OR2J3: variants seen among roughly 807,000 people sequenced by gnomAD.
OR2J3 encodes olfactory receptor family 2 subfamily J member 3.
A neutral mutation model predicts 18.5 loss-of-function variants in OR2J3; 13 were observed. The observed-to-expected ratio is 0.70, with a 90% CI of 0.46 to 1.12. The LOEUF is 1.12. Among genes scored for constraint, OR2J3 ranks in the 50% most tolerant of loss-of-function variants. The pLI is 0.00. For synonymous variants in OR2J3, 142 were observed against 140.6 expected (o/e 1.01, Z -0.07); for missense variants, 321 against 371.6 (o/e 0.86, Z 1.12).
In OR2J3 at chr6:29,111,994, T is replaced by C. The variant is rs1762143759; in HGVS notation, c.104T>C (p.Leu35Ser). ...HLEVVIFVVV[L>S]IFYLMTLIGN... is the part of the protein sequence containing the mutation. ...GAAGTAGTTATCTTTGTGGTTGTCT[T>C]GATCTTCTACTTGATGACACTGATA... The change falls in exon 4 of 4, where the codon TTG (leucine) becomes TCG (serine). Residue 35 changes from leucine (L) to serine (S), a missense_variant. Coordinates refer to ENST00000641151, the MANE Select transcript of OR2J3 (RefSeq NM_001005216.4). 1.2e-6 allele frequency: 2 copies of C among 1,614,010 alleles called. No homozygotes were observed. The highest frequency in any genetic ancestry group is 2.7e-5 in the African/African-American group (2 of 75,048).
chr6:29,108,508 G>T (rs1340495960), intron 1 of OR2J3, 29 bp from the exon 2 acceptor site: 3 of 151,860 alleles, frequency 2.0e-5, no homozygotes, highest in Non-Finnish European at 2.9e-5. Context: ...GATTTTTTTT[G>T]ATAATTTCTT....
chr6:29,113,725 A>C lies in OR2J3; in HGVS notation c.*899A>C, dbSNP rs1762236329. On this transcript the variant is annotated 3_prime_UTR_variant, in exon 4 of 4. Coordinates refer to ENST00000641151, the MANE Select transcript of OR2J3 (RefSeq NM_001005216.4). ...TATGATAGAAACTGTCATATGGAAAATGATAGCTTATTTTTATTTTAAAGC... is the reference window on the plus strand; with the variant it reads ...TATGATAGAAACTGTCATATGGAAACTGATAGCTTATTTTTATTTTAAAGC... 6.6e-6 allele frequency: 1 copy of C among 152,180 alleles called. No homozygotes were observed. The highest frequency in any genetic ancestry group is 2.1e-4 in the South Asian group (1 of 4,836). The allele number at this position is 152,180 out of a possible 1,614,324, so 9.4% of individuals were successfully genotyped here. A position where few individuals can be genotyped will look rare whatever the true frequency, so the allele number is the denominator to read the frequency against.
chr6:29,112,573 T>C lies in OR2J3; in HGVS notation c.683T>C (p.Ile228Thr). ...TCTTATGGTGCCATCGTCCGAGCTA[T>C]ACTGAGGATGCAGTCAACCACTGGG... Reference protein sequence around the residue: ...LTSYGAIVRAILRMQSTTGLQ... With the variant: ...LTSYGAIVRATLRMQSTTGLQ... Residue 228 changes from isoleucine (I) to threonine (T), a missense_variant, in exon 4 of 4, where the codon ATA becomes ACA. By Grantham distance (89) the Ile-to-Thr change is moderately conservative. Coordinates refer to ENST00000641151, the MANE Select transcript of OR2J3 (RefSeq NM_001005216.4). The C allele has an allele frequency of 6.2e-7, 1 of 1,614,108 alleles. No individual in the cohort carries two copies. The highest frequency in any genetic ancestry group is 2.2e-5 in the East Asian group (1 of 44,888).
rs1762240298 is a variant in OR2J3 at position 29,113,870 on chromosome 6, A to C, written c.*1044A>C. ...TTTGTTTTATATATTATTGTCAACC[A>C]TCTTCGTTTGAAATAATTGCGCTAT... is the stretch of plus-strand genomic sequence containing the variant. On this transcript the variant is annotated 3_prime_UTR_variant, in exon 4 of 4. Coordinates refer to ENST00000641151, the MANE Select transcript of OR2J3 (RefSeq NM_001005216.4). The C allele has an allele frequency of 6.6e-6, 1 of 152,204 alleles. No homozygotes were observed. The highest frequency in any genetic ancestry group is 2.4e-5 in the African/African-American group (1 of 41,456). 9.4% of individuals were successfully genotyped at this position (152,204 alleles called of 1,614,324 possible).
In OR2J3 at chr6:29,112,696, A is replaced by G. The variant is rs1562549645; in HGVS notation, c.806A>G (p.Asn269Ser). ...MCMYLQPPSGNSQDQGKFIAL... is the reference protein window; with the variant it reads ...MCMYLQPPSGSSQDQGKFIAL... Reference sequence around the variant, plus strand: ...ATGTATCTCCAGCCACCATCAGGAAATTCTCAAGATCAAGGCAAGTTCATT... The same window carrying G: ...ATGTATCTCCAGCCACCATCAGGAAGTTCTCAAGATCAAGGCAAGTTCATT... The change falls in exon 4 of 4, where the codon AAT becomes AGT. Residue 269 changes from asparagine to serine, a missense_variant. Coordinates refer to ENST00000641151, the MANE Select transcript of OR2J3 (RefSeq NM_001005216.4). 1 of 1,614,100 alleles carries G rather than the reference A, an allele frequency of 6.2e-7. No homozygotes were observed. Among genetic ancestry groups the G allele is most frequent in the Non-Finnish European group, 8.5e-7 (1 of 1,180,018 alleles).
chr6:29,111,707 G>A, intron 3 of OR2J3, 174 bp from the exon 4 acceptor site: 1 of 591,028 alleles, frequency 1.7e-6, no homozygotes, highest in Non-Finnish European at 2.9e-6. Flanking sequence ...ATATCAGTAT[G>A]AGCTTTATAA....
intron 3 of OR2J3, among the ~76,000 whole-genome samples, chr6:29,110,220 T>C (rs987514326): frequency 6.6e-6 from 1 of 152,206 alleles, no homozygotes; most frequent in Non-Finnish European, 1.5e-5. Flanking sequence ...TTTAGCTTAG[T>C]TCGTATCATG....
rs947011074 is a variant in OR2J3, at chr6:29,113,918, A to C, written c.*1092A>C. The C allele has an allele frequency of 1.3e-5, 2 of 152,168 alleles. No individual in the cohort carries two copies. The highest frequency in any genetic ancestry group is 4.8e-5 in the African/African-American group (2 of 41,452). 9.4% of individuals were successfully genotyped at this position (152,168 alleles called of 1,614,324 possible). A position where few individuals can be genotyped will look rare whatever the true frequency, so the allele number is the denominator to read the frequency against. Reference sequence around the variant, plus strand: ...TATACCTAGAGCAATTTAAACTGACAGTCATAGTCAAATGAAGCGGAAAAA... The same window carrying C: ...TATACCTAGAGCAATTTAAACTGACCGTCATAGTCAAATGAAGCGGAAAAA... On this transcript the variant is annotated 3_prime_UTR_variant, in exon 4 of 4. Coordinates refer to ENST00000641151, the MANE Select transcript of OR2J3 (RefSeq NM_001005216.4).
rs1762008190 is a variant in OR2J3 at position 29,108,541 on chromosome 6, A to G, written c.-176A>G. The G allele has an allele frequency of 6.6e-6, 1 of 152,126 alleles. No homozygotes were observed. Among genetic ancestry groups the G allele is most frequent in the South Asian group, 2.1e-4 (1 of 4,822 alleles). The allele number at this position is 152,126 out of a possible 1,614,324, so 9.4% of individuals were successfully genotyped here. On this transcript the variant is annotated 5_prime_UTR_variant, in exon 2 of 4. It removes an upstream start codon present in the reference 5' UTR. Coordinates refer to ENST00000641151, the MANE Select transcript of OR2J3 (RefSeq NM_001005216.4). ...CTTTCTTTTTATTTTTTGTAGAGACATGGTCTCACTTCATTGCCCAGGCTA... is the reference window on the plus strand; with the variant it reads ...CTTTCTTTTTATTTTTTGTAGAGACGTGGTCTCACTTCATTGCCCAGGCTA...
In OR2J3 at chr6:29,112,851, A is replaced by G; in HGVS notation, c.*25A>G. On this transcript the variant is annotated 3_prime_UTR_variant, in exon 4 of 4. Coordinates refer to ENST00000641151, the MANE Select transcript of OR2J3 (RefSeq NM_001005216.4). Reference sequence around the variant, plus strand: ...AGCCTGTGTATGTGTCATATTAACAATATAACAGAGTCTCCCCTCACAATG... The same window carrying G: ...AGCCTGTGTATGTGTCATATTAACAGTATAACAGAGTCTCCCCTCACAATG... The G allele has an allele frequency of 1.3e-6, 2 of 1,572,270 alleles. No homozygotes were observed. Among genetic ancestry groups the G allele is most frequent in the Non-Finnish European group, 1.7e-6 (2 of 1,161,812 alleles).
In OR2J3 at chr6:29,113,793, A is replaced by T. The variant is rs1762238483; in HGVS notation, c.*967A>T. ...TTTATGGTTAATAAGTATATTATGTATGTCAATATATGTGTTTCAAATAAA... is the reference window on the plus strand; with the variant it reads ...TTTATGGTTAATAAGTATATTATGTTTGTCAATATATGTGTTTCAAATAAA... On this transcript the variant is annotated 3_prime_UTR_variant, in exon 4 of 4. Coordinates refer to ENST00000641151, the MANE Select transcript of OR2J3 (RefSeq NM_001005216.4). The T allele has an allele frequency of 6.6e-6, 1 of 152,178 alleles. No individual in the cohort carries two copies. The highest frequency in any genetic ancestry group is 1.9e-4 in the East Asian group (1 of 5,206). The allele number at this position is 152,178 out of a possible 1,614,324, so 9.4% of individuals were successfully genotyped here.
intron 3 of OR2J3, among the ~76,000 whole-genome samples, chr6:29,110,888 T>TATCTATC (rs1468817015): frequency 1.3e-5 from 2 of 151,936 alleles, no homozygotes; most frequent in Non-Finnish European, 2.9e-5. Context: ...TCTATCTATC[T>TATCTATC]ATCTATCTAC....
In OR2J3 at chr6:29,113,082, ACCTAATGTAT is replaced by A; in HGVS notation, c.*259_*268del. The A allele has an allele frequency of 2.2e-6, 1 of 452,406 alleles. No individual in the cohort carries two copies. The highest frequency in any genetic ancestry group is 5.5e-5 in the South Asian group (1 of 18,256). 28.0% of individuals were successfully genotyped at this position (452,406 alleles called of 1,614,324 possible). A position where few individuals can be genotyped will look rare whatever the true frequency, so the allele number is the denominator to read the frequency against. ...ATAGTGATGTTTTTCCATGGTACAA[ACCTAATGTAT>A]CCAAGACAGACATTTCTCGATTGAA... On this transcript the variant is annotated 3_prime_UTR_variant, in exon 4 of 4. Coordinates refer to ENST00000641151, the MANE Select transcript of OR2J3 (RefSeq NM_001005216.4).
rs981208404 is a variant in OR2J3, at chr6:29,114,106, T to C, written c.*1280T>C. 1.3e-5 allele frequency: 2 copies of C among 152,152 alleles called. No individual in the cohort carries two copies. Among genetic ancestry groups the C allele is most frequent in the African/African-American group, 2.4e-5 (1 of 41,442 alleles). 9.4% of individuals were successfully genotyped at this position (152,152 alleles called of 1,614,324 possible). ...TAAAAATAAAAACGCATCTCAGAAC[T>C]TCCCTCCAATTTCTAGTGTGACTTG... On this transcript the variant is annotated 3_prime_UTR_variant, in exon 4 of 4. Coordinates refer to ENST00000641151, the MANE Select transcript of OR2J3 (RefSeq NM_001005216.4).
At position 29,112,950 on chromosome 6, in the gene OR2J3, T is replaced by C. The variant is rs966705392; in HGVS notation, c.*124T>C. On this transcript the variant is annotated 3_prime_UTR_variant, in exon 4 of 4. Transcript: ENST00000641151. ...GTTAGCACTTGCTGAGCATGTACTC[T>C]AACAAGGTCGTGGAGTTCCTGGTAA... 1.6e-6 allele frequency: 2 copies of C among 1,225,252 alleles called. No individual in the cohort carries two copies. The highest frequency in any genetic ancestry group is 2.2e-6 in the Non-Finnish European group (2 of 905,946). The allele number at this position is 1,225,252 out of a possible 1,614,324, so 75.9% of individuals were successfully genotyped here. A position where few individuals can be genotyped will look rare whatever the true frequency, so the allele number is the denominator to read the frequency against.
intron 3 of OR2J3, chr6:29,109,571 A>T (rs1762050147): frequency 6.6e-6 from 1 of 152,198 alleles, no homozygotes; most frequent in Non-Finnish European, 1.5e-5. Flanking sequence ...TATAAGAAAA[A>T]TAACTGACTG....
rs1761997946 is a variant in OR2J3 at position 29,108,224 on chromosome 6, T to C, written c.-252T>C. ...ATGAGGGCATCAGCTAGGAAGACAA[T>C]ATACAGGGAATGTGGACAGATACAG... On this transcript the variant is annotated 5_prime_UTR_variant, in exon 1 of 4. Coordinates refer to ENST00000641151, the MANE Select transcript of OR2J3 (RefSeq NM_001005216.4). 1 of 152,052 alleles carries C rather than the reference T, an allele frequency of 6.6e-6. No homozygotes were observed. The highest frequency in any genetic ancestry group is 2.1e-4 in the South Asian group (1 of 4,820). The allele number at this position is 152,052 out of a possible 1,614,324, so 9.4% of individuals were successfully genotyped here. A position where few individuals can be genotyped will look rare whatever the true frequency, so the allele number is the denominator to read the frequency against.
At chr6:29,110,656 G>A (rs1762088216) in intron 3 of OR2J3, among the ~76,000 whole-genome samples, 1 of 151,858 alleles carries the variant, frequency 6.6e-6, no homozygotes, top group South Asian at 2.1e-4. Flanking sequence ...TCTATAATAA[G>A]GCAAACATCT....
At position 29,111,877 on chromosome 6, in the gene OR2J3, T is replaced by C; in HGVS notation, c.-10-4T>C. On this transcript the variant is annotated splice_region_variant and splice_polypyrimidine_tract_variant and intron_variant, in intron 3 of 3. Coordinates refer to ENST00000641151, the MANE Select transcript of OR2J3 (RefSeq NM_001005216.4). ...TGAGTTTACCTTTCTTTTTTTTCTC[T>C]CAGGTAATAGGAAATGAATGATGAT... The C allele has an allele frequency of 6.4e-7, 1 of 1,573,850 alleles. No individual in the cohort carries two copies. Among genetic ancestry groups the C allele is most frequent in the African/African-American group, 1.4e-5 (1 of 73,026 alleles).
Sources: allele counts gnomAD v4.1 joint callset (sites outside exome capture counted in the v4.1 genomes callset), GRCh38; gene constraint gnomAD v4.1.1; transcripts MANE v1.5; gene names NCBI Gene and HGNC (gene_info 2026-07-23, HGNC 2026-07-21).